The following MYO7A variants were observed in gnomAD, a reference collection of about 807,000 sequenced individuals.
MYO7A encodes the protein unconventional myosin-VIIa.
In MYO7A, 210 loss-of-function variants were observed where a neutral mutation model predicts 263.8. The ratio of observed to expected loss-of-function variants is 0.80; its 90% CI spans 0.71 to 0.89. The LOEUF (loss-of-function observed/expected upper bound fraction) is 0.89, where lower values mean the gene tolerates loss of function less well. MYO7A is among the 40% of genes least tolerant of loss of function. The pLI, the probability that MYO7A is intolerant of heterozygous loss-of-function variation, is 0.00. For synonymous variants in MYO7A, 1,239 were observed against 1,197.3 expected, an observed-to-expected ratio of 1.03 and a Z score of -0.72; for missense variants, 2,820 against 2,968.3, an observed-to-expected ratio of 0.95 and a Z score of 1.16.
intron 32 of MYO7A, among the ~76,000 whole-genome samples, chr11:77,195,904 T>C (rs560124508): frequency 2.0e-4 from 30 of 152,148 alleles, no homozygotes; most frequent in Non-Finnish European, 4.0e-4. Context: ...CAGCAGGGGC[T>C]TTCTCCTGAG....
At chr11:77,163,557 T>C (rs1432763512) in intron 14 of MYO7A, among the ~76,000 whole-genome samples, 1 of 152,200 alleles carries the variant, frequency 6.6e-6, no homozygotes, top group African/African-American at 2.4e-5. Context: ...GACAGAATGG[T>C]AAGTATTTGT....
chr11:77,181,713 A>G (rs1555084430), intron 23 of MYO7A, 124 bp downstream of exon 23: 10 of 983,080 alleles, frequency 1.0e-5, no homozygotes, highest in Middle Eastern at 2.9e-4. Flanking sequence ...GCAGAGATGA[A>G]CTGGGTCCGG....
At chr11:77,214,070 G>A in intron 48 of MYO7A, 91 bp downstream of exon 48, 1 of 1,564,568 alleles carries the variant, frequency 6.4e-7, no homozygotes, top group Non-Finnish European at 8.7e-7. Context: ...ACAGTAGTGT[G>A]CGGCTGGGCC....
Position 77,162,318 on chromosome 11 carries a change from C to T in MYO7A, c.1542C>T (p.Ser514=). 1 of 1,551,644 alleles carries T rather than the reference C, an allele frequency of 6.4e-7. No homozygotes were observed. The highest frequency in any genetic ancestry group is 8.7e-7 in the Non-Finnish European group (1 of 1,147,032). ...TCATCTCCCTCATCGATGAGGAGAG[C>T]AAGTTCCCCAAGGTGGGCCGGTCCT... ...MNIISLIDEE[S]KFPKGTDTTM... The change falls in exon 13 of 49, where the codon AGC becomes AGT. Residue 514 remains serine (S), a synonymous_variant. Transcript: ENST00000409709.
chr11:77,168,455 T>C (rs2135370222), intron 15 of MYO7A, among the ~76,000 whole-genome samples: 1 of 152,316 alleles, frequency 6.6e-6, no homozygotes, highest in Admixed American at 6.5e-5. Context: ...CACTCCCCAC[T>C]GCAACCTGGC....
At chr11:77,145,112 C>G (rs1951475199) in intron 3 of MYO7A, among the ~76,000 whole-genome samples, 1 of 152,176 alleles carries the variant, frequency 6.6e-6, no homozygotes, top group Non-Finnish European at 1.5e-5. Context: ...CTGGGCAAGT[C>G]ATTTTACCTC....
At position 77,158,317 on chromosome 11, in the gene MYO7A, AG is replaced by A; in HGVS notation, c.891del (p.Glu297AspfsTer9). ...TGTGAGGGCCGGGTGGACAGCCAGG[AG>A]TACGCCAACATCCGCTCCGCCATGA... ...ITCEGRVDSQ[E>X]YANIRSAMKV... On this transcript the variant is annotated frameshift_variant, in exon 9 of 49. Coordinates refer to ENST00000409709, the MANE Select transcript of MYO7A (RefSeq NM_000260.4). LOFTEE classifies it high-confidence loss of function. 1 of 1,612,522 alleles carries A rather than the reference AG, an allele frequency of 6.2e-7. No homozygotes were observed. Among genetic ancestry groups the A allele is most frequent in the Non-Finnish European group, 8.5e-7 (1 of 1,179,108 alleles).
Position 77,175,368 on chromosome 11 carries a change from C to G in MYO7A, c.2095-4C>G, listed in dbSNP as rs763060756. ...TTCCCTTGTGTTCCCCATCCTCACT[C>G]CAGGGCGACCTCCGCGGGACTTGCC... On this transcript the variant is annotated splice_region_variant and splice_polypyrimidine_tract_variant and intron_variant, in intron 17 of 48. Transcript: ENST00000409709. 112 of 1,612,796 alleles carry G rather than the reference C, an allele frequency of 6.9e-5. No homozygotes were observed. Among genetic ancestry groups the G allele is most frequent in the Non-Finnish European group, 9.4e-5 (111 of 1,179,790 alleles).
At chr11:77,189,926 G>A (rs1379299424) in intron 28 of MYO7A, 94 bp from the exon 29 acceptor site, 3 of 1,440,782 alleles carry the variant, frequency 2.1e-6, no homozygotes, top group African/African-American at 1.4e-5. Context: ...TGGCCTGGAG[G>A]AGCGGCCTCC....
chr11:77,196,358 C>T (rs1185917022), intron 32 of MYO7A, among the ~76,000 whole-genome samples: 1 of 121,826 alleles, frequency 8.2e-6, no homozygotes, highest in Non-Finnish European at 1.7e-5. Flanking sequence ...AAGAGCAAGA[C>T]TCCTTCTCAA....
chr11:77,129,123 C>G (rs1375297040), intron 1 of MYO7A, among the ~76,000 whole-genome samples: 1 of 152,226 alleles, frequency 6.6e-6, no homozygotes, highest in Admixed American at 6.5e-5. Context: ...CTCCCCCATC[C>G]CTTGGAGCCC....
chr11:77,135,042 C>T (rs1950871832), intron 2 of MYO7A, among the ~76,000 whole-genome samples: 1 of 152,170 alleles, frequency 6.6e-6, no homozygotes, highest in African/African-American at 2.4e-5. Flanking sequence ...GCCTCAGCCT[C>T]CCAAAGTGCT....
Position 77,184,727 on chromosome 11 carries a change from G to A in MYO7A, c.3503+12G>A, listed in dbSNP as rs78509218. 1.7e-5 allele frequency: 8 copies of A among 474,454 alleles called. No individual in the cohort carries two copies. Among genetic ancestry groups the A allele is most frequent in the South Asian group, 6.7e-5 (3 of 44,656 alleles). The allele number at this position is 474,454 out of a possible 1,614,324, so 29.4% of individuals were successfully genotyped here. A position where few individuals can be genotyped will look rare whatever the true frequency, so the allele number is the denominator to read the frequency against. On this transcript the variant is annotated intron_variant, in intron 27 of 48. Transcript: ENST00000409709. ...CGGCCAGCACTCCGGTCAGTGCCGG[G>A]AGGCGGGGACACCAGGGCCTGAAAG...
At chr11:77,211,757 T>A in intron 45 of MYO7A, 64 bp from the exon 46 acceptor site, 1 of 1,296,660 alleles carries the variant, frequency 7.7e-7, no homozygotes, top group Non-Finnish European at 1.1e-6. Flanking sequence ...AGCTCTGAGC[T>A]GGCCTGCCCT....
At chr11:77,134,760 A>G (rs142160883) in intron 2 of MYO7A, among the ~76,000 whole-genome samples, 5 of 150,544 alleles carry the variant, frequency 3.3e-5, no homozygotes, top group East Asian at 3.9e-4. Flanking sequence ...TAAAATACAT[A>G]TAACAACATA....
At chr11:77,175,034 C>A in intron 17 of MYO7A, 120 bp downstream of exon 17, 1 of 1,293,994 alleles carries the variant, frequency 7.7e-7, no homozygotes. Flanking sequence ...CTCTCAGGTG[C>A]AGCACGGAAA....
Position 77,162,973 on chromosome 11 carries a change from T to G in MYO7A, c.1675T>G (p.Tyr559Asp), listed in dbSNP as rs1270268715. 6.2e-7 allele frequency: 1 copy of G among 1,613,740 alleles called. No homozygotes were observed. Among genetic ancestry groups the G allele is most frequent in the Non-Finnish European group, 8.5e-7 (1 of 1,179,860 alleles). Residue 559 changes from tyrosine to aspartate, a missense_variant, in exon 14 of 49, where the codon TAC (tyrosine) becomes GAC (aspartate). Transcript: ENST00000409709. ...FGINHFAGIV[Y>D]YETQGFLEKN... ...CATCAACCATTTTGCAGGCATCGTCTACTATGAGACCCAAGGTACAGAGGG... is the reference window on the plus strand; with the variant it reads ...CATCAACCATTTTGCAGGCATCGTCGACTATGAGACCCAAGGTACAGAGGG...
chr11:77,173,691 G>A (rs782796800), intron 16 of MYO7A, among the ~76,000 whole-genome samples: 18 of 152,132 alleles, frequency 1.2e-4, no homozygotes, highest in Non-Finnish European at 2.5e-4. Context: ...AAGGAAGGCC[G>A]GGGAAAGTGG....
chr11:77,193,409 G>A (rs901367906), intron 31 of MYO7A, among the ~76,000 whole-genome samples: 9 of 150,872 alleles, frequency 6.0e-5, no homozygotes, highest in Non-Finnish European at 1.0e-4. Context: ...GGCAGTGATG[G>A]TGTTGGTGAT....
Sources: gnomAD v4.1 joint callset for allele counts (sites outside exome capture counted in the v4.1 genomes callset) on GRCh38, gnomAD v4.1.1 for gene constraint, MANE v1.5 for transcripts, NCBI Gene and HGNC (gene_info 2026-07-23, HGNC 2026-07-21) for gene names.